Variants in TECR observed in about 807,000 individuals in gnomAD.
TECR encodes very-long-chain enoyl-CoA reductase.
In TECR, 19 loss-of-function variants were observed where a neutral mutation model predicts 50.6. The ratio of observed to expected loss-of-function variants is 0.38; its 90% CI spans 0.26 to 0.55. TECR has a LOEUF of 0.55. Among genes scored for constraint, TECR ranks in the 20% least tolerant of loss-of-function variants. The pLI, the probability that TECR is intolerant of heterozygous loss-of-function variation, is 0.79. For missense variants in TECR, 313 were observed against 408.3 expected (o/e 0.77, Z 2.01); for synonymous variants, 168 against 163.5 (o/e 1.03, Z -0.21).
intron 1 of TECR, among the ~76,000 whole-genome samples, chr19:14,538,546 T>C (rs2072985868): frequency 1.3e-5 from 2 of 151,604 alleles, no homozygotes; most frequent in South Asian, 4.2e-4. Context: ...CTTTTTTTTT[T>C]TTTTTGAGAT....
intron 1 of TECR, among the ~76,000 whole-genome samples, chr19:14,552,768 C>T (rs1328728344): frequency 1.3e-5 from 2 of 151,772 alleles, no homozygotes; most frequent in African/African-American, 2.4e-5. Context: ...GATCTCCTGA[C>T]CTCGTGATCC....
chr19:14,557,971 G>A (rs949115584), intron 1 of TECR, among the ~76,000 whole-genome samples: 1 of 150,210 alleles, frequency 6.7e-6, no homozygotes, highest in Non-Finnish European at 1.5e-5. Context: ...TAGCCAGGAT[G>A]GTCTCGATCT....
chr19:14,535,594 G>A (rs144413935), intron 1 of TECR, among the ~76,000 whole-genome samples: 58 of 38,864 alleles, frequency 1.5e-3, no homozygotes, highest in East Asian at 2.5e-3. Context: ...ATATATGTAT[G>A]TATATATAAA....
intron 1 of TECR, among the ~76,000 whole-genome samples, chr19:14,559,639 T>C (rs2073845455): frequency 6.6e-6 from 1 of 151,860 alleles, no homozygotes; most frequent in Non-Finnish European, 1.5e-5. Context: ...TACAAAAAAT[T>C]AGCTGGATGT....
At chr19:14,535,274 G>T (rs982035225) in intron 1 of TECR, among the ~76,000 whole-genome samples, 1 of 151,694 alleles carries the variant, frequency 6.6e-6, no homozygotes, top group Admixed American at 6.6e-5. Flanking sequence ...TTGGGAGGCC[G>T]AGGTGGGTGA....
At chr19:14,559,117 G>T (rs1328883985) in intron 1 of TECR, among the ~76,000 whole-genome samples, 1 of 150,958 alleles carries the variant, frequency 6.6e-6, no homozygotes, top group East Asian at 1.9e-4. Context: ...CCACCCGACT[G>T]TTTTTATTTT....
intron 1 of TECR, among the ~76,000 whole-genome samples, chr19:14,554,254 G>A (rs1398494259): frequency 1.3e-5 from 2 of 152,288 alleles, no homozygotes; most frequent in Admixed American, 6.5e-5. Flanking sequence ...TTCCAGCCCC[G>A]GGCAGGGAAC....
chr19:14,549,937 T>C (rs1599459793), intron 1 of TECR, among the ~76,000 whole-genome samples: 2 of 151,236 alleles, frequency 1.3e-5, no homozygotes, highest in East Asian at 3.9e-4. Context: ...AGTGAGACTC[T>C]GTCTCAAAAA....
At chr19:14,549,111 C>T (rs889539311) in intron 1 of TECR, among the ~76,000 whole-genome samples, 16 of 151,752 alleles carry the variant, frequency 1.1e-4, no homozygotes, top group Admixed American at 2.0e-4. Context: ...GTTCAAAAGC[C>T]GGCAGTAGAC....
intron 1 of TECR, among the ~76,000 whole-genome samples, chr19:14,551,946 CCTCTCTCTCT>C (rs71166756): frequency 2.0e-4 from 14 of 71,246 alleles, no homozygotes; most frequent in Admixed American, 7.2e-4. Context: ...TCCCTCCCTC[CCTCTCTCTCT>C]CTCTCTCTCT....
intron 1 of TECR, 55 bp from the exon 2 acceptor site, chr19:14,562,470 G>A (rs2073932129): frequency 6.2e-7 from 1 of 1,609,834 alleles, no homozygotes; most frequent in South Asian, 1.1e-5. Flanking sequence ...GGCTCCCCAG[G>A]CCCACACCCC....
chr19:14,543,358 T>C (rs569021729), intron 1 of TECR, among the ~76,000 whole-genome samples: 1 of 138,138 alleles, frequency 7.2e-6, no homozygotes, highest in African/African-American at 2.7e-5. Context: ...TTGGAAACAG[T>C]GTATTGCCTG....
chr19:14,564,318 C>G (rs1191781221), intron 7 of TECR, 31 bp downstream of exon 7: 3 of 1,547,544 alleles, frequency 1.9e-6, no homozygotes, highest in Middle Eastern at 2.0e-4. Flanking sequence ...CACCCCTAAG[C>G]CCCGCCTTTC....
chr19:14,549,954 TAAAA>T (rs201560790), intron 1 of TECR, among the ~76,000 whole-genome samples: 21 of 150,544 alleles, frequency 1.4e-4, no homozygotes, highest in Non-Finnish European at 2.5e-4. Flanking sequence ...AAAAAAAAAA[TAAAA>T]AAAATAAACT....
chr19:14,529,844 A>T (rs2072552571), intron 1 of TECR, 133 bp downstream of exon 1: 3 of 1,269,032 alleles, frequency 2.4e-6, no homozygotes, highest in Non-Finnish European at 3.4e-6. Context: ...GCAGTGGGCA[A>T]GCGTTGCGCC....
intron 11 of TECR, 70 bp downstream of exon 11, chr19:14,565,360 T>TAGGAA: frequency 1.3e-6 from 2 of 1,584,414 alleles, no homozygotes; most frequent in South Asian, 2.2e-5. Context: ...GCCCCTAGGA[T>TAGGAA]GGGGCGCCTG....
At chr19:14,543,076 A>C (rs1599437014) in intron 1 of TECR, among the ~76,000 whole-genome samples, 1 of 88,752 alleles carries the variant, frequency 1.1e-5, no homozygotes. Context: ...TGGGGTGCCA[A>C]GTTGGGGGTG....
Position 14,563,433 on chromosome 19 carries a change from C to T in TECR, c.118+176C>T, listed in dbSNP as rs1907006754. On this transcript the variant is annotated intron_variant, in intron 3 of 12. Coordinates refer to ENST00000215567, the MANE Select transcript of TECR (RefSeq NM_138501.6). This position sits in a 1 kb window ranked among gnomAD's most constrained non-coding sequence, Gnocchi z 5.3. ...CTCCACGTGGCACTCCGCAGGAACGCCCTTGCTAGGCTCTGGGAAGGACAA... is the reference window on the plus strand; with the variant it reads ...CTCCACGTGGCACTCCGCAGGAACGTCCTTGCTAGGCTCTGGGAAGGACAA... 1 of 815,810 alleles carries T rather than the reference C, an allele frequency of 1.2e-6. No homozygotes were observed. Among genetic ancestry groups the T allele is most frequent in the South Asian group, 1.5e-5 (1 of 64,696 alleles). The allele number at this position is 815,810 out of a possible 1,614,324, so 50.5% of individuals were successfully genotyped here.
chr19:14,534,423 C>CTTTTTTTT lies in TECR; in HGVS notation c.15+4735_15+4742dup, dbSNP rs756051119. On this transcript the variant is annotated intron_variant, in intron 1 of 12. Transcript: ENST00000215567. The stretch of plus-strand genomic sequence containing the variant: ...ACAGGAGTGAGCCACCATGCCTGGC[C>CTTTTTTTT]TTTTTTTTTTTTTTTTTTTTTTTTT... Among the ~76,000 whole-genome samples, 7 of 52,488 alleles carry CTTTTTTTT rather than the reference C, an allele frequency of 1.3e-4. 1 individual carries two copies. Among genetic ancestry groups the CTTTTTTTT allele is most frequent in the African/African-American group, 6.5e-4 (7 of 10,704 alleles). 34.4% of individuals were successfully genotyped at this position (52,488 alleles called of 152,430 possible). A position where few individuals can be genotyped will look rare whatever the true frequency, so the allele number is the denominator to read the frequency against.
Sources: gnomAD v4.1 joint callset for allele counts (sites outside exome capture counted in the v4.1 genomes callset) on GRCh38, gnomAD v4.1.1 for gene constraint, Gnocchi (gnomAD v3.1) non-coding constraint, MANE v1.5 for transcripts, NCBI Gene and HGNC (gene_info 2026-07-23, HGNC 2026-07-21) for gene names.